The following GMDS variants were observed in gnomAD, a reference collection of about 807,000 sequenced individuals.
GMDS encodes the protein GDP-mannose 4,6 dehydratase.
GMDS carries 20 observed loss-of-function variants against 49.9 expected under a neutral mutation model. The observed-to-expected ratio is 0.40, with a 90% CI of 0.28 to 0.58. GMDS has a LOEUF of 0.58. Ranked by LOEUF, GMDS falls within the 20% of genes least tolerant of loss-of-function variation. GMDS has a pLI of 0.42. For missense variants in GMDS, 362 were observed against 481.4 expected, an observed-to-expected ratio of 0.75 and a Z score of 2.32; for synonymous variants, 177 against 178.6, an observed-to-expected ratio of 0.99 and a Z score of 0.07.
intron 4 of GMDS, among the ~76,000 whole-genome samples, chr6:1,986,129 A>C (rs1581466536): frequency 1.3e-5 from 2 of 152,330 alleles, no homozygotes; most frequent in Middle Eastern, 6.8e-3. Context: ...TTGAAGATTT[A>C]TTTTAATAAG....
intron 9 of GMDS, among the ~76,000 whole-genome samples, chr6:1,699,442 A>T (rs920083176): frequency 2.4e-4 from 37 of 152,012 alleles, no homozygotes; most frequent in African/African-American, 8.7e-4. Context: ...CTAACACATT[A>T]ACGCAGGTGT....
intron 1 of GMDS, among the ~76,000 whole-genome samples, chr6:2,199,991 G>T (rs920905284): frequency 6.6e-6 from 1 of 152,136 alleles, no homozygotes; most frequent in Non-Finnish European, 1.5e-5. Context: ...AAACATTACA[G>T]GATTGTATGT....
At position 1,623,862 on chromosome 6, in the gene GMDS, C is replaced by T; in HGVS notation, c.*307G>A. 2.5e-6 allele frequency: 1 copy of T among 395,930 alleles called. No individual in the cohort carries two copies. Among genetic ancestry groups the T allele is most frequent in the East Asian group, 4.1e-5 (1 of 24,286 alleles). The allele number at this position is 395,930 out of a possible 1,614,324, so 24.5% of individuals were successfully genotyped here. A position where few individuals can be genotyped will look rare whatever the true frequency, so the allele number is the denominator to read the frequency against. Reference sequence around the variant, plus strand: ...GAAAAGAGAAAAACAATTTGAAGGCCCCACAATTTGTTGTGTAACAACATA... The same window carrying T: ...GAAAAGAGAAAAACAATTTGAAGGCTCCACAATTTGTTGTGTAACAACATA... On this transcript the variant is annotated 3_prime_UTR_variant, in exon 11 of 11. Coordinates refer to ENST00000380815, the MANE Select transcript of GMDS (RefSeq NM_001500.4).
intron 4 of GMDS, among the ~76,000 whole-genome samples, chr6:2,041,936 T>C (rs536967939): frequency 6.6e-6 from 1 of 152,270 alleles, no homozygotes; most frequent in East Asian, 1.9e-4. Flanking sequence ...AATGTGACCA[T>C]TTCCCACATG....
At chr6:1,815,481 C>A (rs997154807) in intron 7 of GMDS, among the ~76,000 whole-genome samples, 8 of 152,128 alleles carry the variant, frequency 5.3e-5, no homozygotes, top group East Asian at 3.8e-4. Flanking sequence ...CCTAGACCTG[C>A]GCAACAGCCT....
intron 7 of GMDS, among the ~76,000 whole-genome samples, chr6:1,864,960 T>G (rs1338225405): frequency 6.6e-6 from 1 of 152,206 alleles, no homozygotes; most frequent in Non-Finnish European, 1.5e-5. Flanking sequence ...CATATTTCAT[T>G]TGCAAAACAT....
intron 6 of GMDS, among the ~76,000 whole-genome samples, chr6:1,953,750 A>T (rs1343963722): frequency 6.6e-6 from 1 of 152,220 alleles, no homozygotes; most frequent in Admixed American, 6.5e-5. Context: ...CATAATCTTT[A>T]AGAGTAGATT....
At chr6:1,832,684 A>C (rs1756717676) in intron 7 of GMDS, among the ~76,000 whole-genome samples, 1 of 152,210 alleles carries the variant, frequency 6.6e-6, no homozygotes, top group African/African-American at 2.4e-5. Flanking sequence ...AGTCCACCAC[A>C]TGCATTGTTA....
chr6:1,799,465 T>C (rs1483262794), intron 7 of GMDS, among the ~76,000 whole-genome samples: 1 of 152,202 alleles, frequency 6.6e-6, no homozygotes, highest in Non-Finnish European at 1.5e-5. Context: ...GGAATAATTT[T>C]TAAATGGGAA....
intron 4 of GMDS, among the ~76,000 whole-genome samples, chr6:2,112,845 A>G (rs1774626350): frequency 6.6e-6 from 1 of 151,848 alleles, no homozygotes; most frequent in African/African-American, 2.4e-5. Flanking sequence ...CCATGGCACA[A>G]TCCCACCCTC....
chr6:1,863,866 T>G (rs370176485), intron 7 of GMDS, among the ~76,000 whole-genome samples: 7 of 152,146 alleles, frequency 4.6e-5, no homozygotes, highest in African/African-American at 1.7e-4. Flanking sequence ...ACTTTAAAGT[T>G]TTCAGGTTTA....
intron 1 of GMDS, among the ~76,000 whole-genome samples, chr6:2,221,229 CCT>C (rs1441206204): frequency 2.6e-5 from 4 of 152,160 alleles, no homozygotes; most frequent in African/African-American, 9.7e-5. Context: ...TCAAAGATTA[CCT>C]CTCAGCTTTA....
intron 7 of GMDS, among the ~76,000 whole-genome samples, chr6:1,814,446 G>A (rs1034949838): frequency 1.3e-5 from 2 of 151,506 alleles, no homozygotes; most frequent in Admixed American, 6.6e-5. Flanking sequence ...AAAAAAAAAC[G>A]CAGCTGCCTT....
At chr6:2,202,334 A>T (rs901983988) in intron 1 of GMDS, among the ~76,000 whole-genome samples, 1 of 151,572 alleles carries the variant, frequency 6.6e-6, no homozygotes, top group Non-Finnish European at 1.5e-5. Flanking sequence ...AGAACACCAC[A>T]TGCACATCCG....
intron 7 of GMDS, among the ~76,000 whole-genome samples, chr6:1,909,745 G>A (rs1036167808): frequency 6.6e-6 from 1 of 152,196 alleles, no homozygotes; most frequent in Non-Finnish European, 1.5e-5. Context: ...GGCCCCATGG[G>A]TGAGTCAGTA....
chr6:1,730,447 T>C (rs1308022697), intron 8 of GMDS, among the ~76,000 whole-genome samples: 1 of 152,132 alleles, frequency 6.6e-6, no homozygotes, highest in Admixed American at 6.5e-5. Flanking sequence ...AGTTCCCAAA[T>C]GCTCAGGAAG....
chr6:1,939,651 A>G (rs1424491865), intron 6 of GMDS, among the ~76,000 whole-genome samples: 1 of 151,888 alleles, frequency 6.6e-6, no homozygotes, highest in Non-Finnish European at 1.5e-5. Context: ...TTATATTATA[A>G]AGCATACCAA....
At chr6:2,114,221 C>G (rs763578878) in intron 4 of GMDS, among the ~76,000 whole-genome samples, 8 of 152,052 alleles carry the variant, frequency 5.3e-5, no homozygotes, top group Non-Finnish European at 5.9e-5. Flanking sequence ...GATAAACTAT[C>G]TATGATTACA....
chr6:1,734,788 AG>A (rs370765262), intron 8 of GMDS, among the ~76,000 whole-genome samples: 23 of 152,214 alleles, frequency 1.5e-4, no homozygotes, highest in African/African-American at 5.5e-4. Context: ...AAGTCAGACT[AG>A]GAAGATGAAT....
Sources: allele counts gnomAD v4.1 joint callset (sites outside exome capture counted in the v4.1 genomes callset), GRCh38; gene constraint gnomAD v4.1.1; transcripts MANE v1.5; gene names NCBI Gene and HGNC (gene_info 2026-07-23, HGNC 2026-07-21).